PRKG1: variants seen among roughly 807,000 people sequenced by gnomAD.
The protein encoded by PRKG1 is protein kinase cGMP-dependent 1.
In PRKG1, 35 loss-of-function variants were observed where a neutral mutation model predicts 88.1. The observed-to-expected ratio is 0.40, with a 90% CI of 0.30 to 0.53. The LOEUF is 0.53. Among genes scored for constraint, PRKG1 ranks in the 20% least tolerant of loss-of-function variants. PRKG1 has a pLI of 0.59. For missense variants in PRKG1, 540 were observed against 839.8 expected, an observed-to-expected ratio of 0.64 and a Z score of 4.41; for synonymous variants, 303 against 292.5, an observed-to-expected ratio of 1.04 and a Z score of -0.37.
chr10:51,687,901 T>A (rs956767691), intron 3 of PRKG1, among the ~76,000 whole-genome samples: 1 of 152,188 alleles, frequency 6.6e-6, no homozygotes, highest in Non-Finnish European at 1.5e-5. Context: ...TCCCAGTAGA[T>A]CCAATGTTCA....
At chr10:52,271,318 C>T in intron 10 of PRKG1, 32 bp from the exon 11 acceptor site, 2 of 1,604,582 alleles carry the variant, frequency 1.2e-6, no homozygotes. Flanking sequence ...AGTCTATGGG[C>T]TTTTTCTTAC....
chr10:51,141,813 A>G (rs933742906), intron 1 of PRKG1, among the ~76,000 whole-genome samples: 7 of 152,144 alleles, frequency 4.6e-5, no homozygotes, highest in African/African-American at 1.7e-4. Context: ...AATTGTACAT[A>G]TTACATTTCT....
chr10:51,427,604 G>A (rs2132718942), intron 2 of PRKG1, among the ~76,000 whole-genome samples: 1 of 152,300 alleles, frequency 6.6e-6, no homozygotes, highest in East Asian at 1.9e-4. Flanking sequence ...GCCACAGGCT[G>A]AAGGCTGATC....
intron 9 of PRKG1, among the ~76,000 whole-genome samples, chr10:52,212,120 C>T (rs2132804888): frequency 6.6e-6 from 1 of 152,248 alleles, no homozygotes; most frequent in South Asian, 2.1e-4. Context: ...CAGAGCAACT[C>T]TGGGGCTGCC....
At chr10:51,610,035 A>AT (rs1838866215) in intron 3 of PRKG1, among the ~76,000 whole-genome samples, 1 of 152,188 alleles carries the variant, frequency 6.6e-6, no homozygotes, top group South Asian at 2.1e-4. Flanking sequence ...GTACATATTT[A>AT]TGGGTACATG....
intron 1 of PRKG1, among the ~76,000 whole-genome samples, chr10:51,041,256 A>G (rs1347373730): frequency 6.6e-6 from 1 of 152,100 alleles, no homozygotes; most frequent in African/African-American, 2.4e-5. Context: ...TCTGGAAATG[A>G]CATTCAGAAG....
At chr10:51,421,073 C>T (rs1452896654) in intron 2 of PRKG1, among the ~76,000 whole-genome samples, 1 of 152,204 alleles carries the variant, frequency 6.6e-6, no homozygotes, top group Non-Finnish European at 1.5e-5. Context: ...GGCAAATATC[C>T]AAACTATATC....
chr10:51,233,432 A>G (rs1466748070), intron 2 of PRKG1, among the ~76,000 whole-genome samples: 1 of 152,210 alleles, frequency 6.6e-6, no homozygotes, highest in Non-Finnish European at 1.5e-5. Context: ...CAAAAAGACT[A>G]GACAACCTTC....
intron 1 of PRKG1, among the ~76,000 whole-genome samples, chr10:51,149,302 T>C (rs540578757): frequency 6.6e-5 from 10 of 152,276 alleles, no homozygotes; most frequent in African/African-American, 2.4e-4. Context: ...AACCATAATG[T>C]AGAATATCCT....
rs369245063 is a variant in PRKG1, at chr10:52,076,735, TG to T, written c.935+14105del. 6.3e-3 allele frequency among the ~76,000 whole-genome samples: 955 copies of T among 152,276 alleles called. 11 individuals are homozygous for T. Among genetic ancestry groups the T allele is most frequent in the African/African-American group, 0.022 (923 of 41,566 alleles). ...ATACAGAGCTCTCAAATCTCAATAA[TG>T]AGAAAATGAATAGCCTAATTTTTTA... On this transcript the variant is annotated intron_variant, in intron 7 of 17. Coordinates refer to ENST00000373980, the MANE Select transcript of PRKG1 (RefSeq NM_006258.4).
At chr10:51,173,540 C>T (rs1837109337) in intron 2 of PRKG1, among the ~76,000 whole-genome samples, 1 of 151,624 alleles carries the variant, frequency 6.6e-6, no homozygotes, top group Admixed American at 6.6e-5. Flanking sequence ...TCATTATGCT[C>T]AAGAGATAAT....
intron 5 of PRKG1, among the ~76,000 whole-genome samples, chr10:51,913,704 C>CT (rs765467686): frequency 8.4e-4 from 128 of 152,258 alleles, no homozygotes; most frequent in Non-Finnish European, 1.5e-3. Flanking sequence ...ACTTGACTTT[C>CT]TAAGTGTTCA....
chr10:52,129,364 C>T (rs1457654764), intron 7 of PRKG1, among the ~76,000 whole-genome samples: 4 of 152,130 alleles, frequency 2.6e-5, no homozygotes, highest in Non-Finnish European at 5.9e-5. Flanking sequence ...CATAGTAAAT[C>T]ACAGTGTTGT....
intron 1 of PRKG1, among the ~76,000 whole-genome samples, chr10:50,997,970 C>A (rs1008032366): frequency 6.6e-6 from 1 of 152,058 alleles, no homozygotes; most frequent in Non-Finnish European, 1.5e-5. Flanking sequence ...ACTGTGAAAA[C>A]CCTCTAGGTT....
chr10:51,243,138 C>T (rs114121466), intron 2 of PRKG1, among the ~76,000 whole-genome samples: 1,647 of 152,170 alleles, frequency 0.011, 32 homozygotes, highest in African/African-American at 0.037. Context: ...ATTGTAAGCC[C>T]CTTAGCCTTA....
At chr10:52,060,741 C>G (rs2133265803) in intron 6 of PRKG1, among the ~76,000 whole-genome samples, 1 of 151,854 alleles carries the variant, frequency 6.6e-6, no homozygotes, top group South Asian at 2.1e-4. Context: ...GAGTTAATAC[C>G]TAGTAAAATG....
intron 3 of PRKG1, among the ~76,000 whole-genome samples, chr10:51,722,079 A>T (rs2132453041): frequency 6.6e-6 from 1 of 152,154 alleles, no homozygotes; most frequent in African/African-American, 2.4e-5. Context: ...AAAACACAAA[A>T]ATTAGCTGGG....
At chr10:52,098,830 G>A (rs775171529) in intron 7 of PRKG1, among the ~76,000 whole-genome samples, 3 of 152,000 alleles carry the variant, frequency 2.0e-5, no homozygotes, top group Non-Finnish European at 4.4e-5. Context: ...ATGATGAGTG[G>A]GTGAGAAATG....
At chr10:51,806,561 C>G (rs1176946250) in intron 4 of PRKG1, among the ~76,000 whole-genome samples, 1 of 152,188 alleles carries the variant, frequency 6.6e-6, no homozygotes, top group Non-Finnish European at 1.5e-5. Flanking sequence ...TCTGGCTACT[C>G]CATAAAACAT....
Sources: gnomAD v4.1 joint callset for allele counts (sites outside exome capture counted in the v4.1 genomes callset) on GRCh38, gnomAD v4.1.1 for gene constraint, MANE v1.5 for transcripts, NCBI Gene and HGNC (gene_info 2026-07-23, HGNC 2026-07-21) for gene names.